The following JAKMIP2 variants were observed in gnomAD, a reference collection of about 807,000 sequenced individuals.
The protein encoded by JAKMIP2 is janus kinase and microtubule-interacting protein 2.
A neutral mutation model predicts 115.0 loss-of-function variants in JAKMIP2; 25 were observed. That is an observed-to-expected ratio of 0.22 (90% CI 0.16 to 0.30). The LOEUF is 0.30. Ranked by LOEUF, JAKMIP2 falls within the 10% of genes least tolerant of loss-of-function variation. The pLI is 1.00. For synonymous variants in JAKMIP2, 334 were observed against 343.6 expected, an observed-to-expected ratio of 0.97 and a Z score of 0.31; for missense variants, 642 against 957.6, an observed-to-expected ratio of 0.67 and a Z score of 4.35.
chr5:147,672,475 C>T (rs1249407594), intron 1 of JAKMIP2, among the ~76,000 whole-genome samples: 1 of 152,116 alleles, frequency 6.6e-6, no homozygotes, highest in Non-Finnish European at 1.5e-5. Context: ...TTCAATCAGT[C>T]AATATTGTTA....
At chr5:147,707,013 C>CT (rs916801378) in intron 1 of JAKMIP2, among the ~76,000 whole-genome samples, 1 of 151,954 alleles carries the variant, frequency 6.6e-6, no homozygotes, top group Admixed American at 6.6e-5. Flanking sequence ...CTTTCTAGGC[C>CT]TTTTTTTGAG....
At chr5:147,754,252 G>T (rs969925606) in intron 1 of JAKMIP2, among the ~76,000 whole-genome samples, 22 of 152,274 alleles carry the variant, frequency 1.4e-4, no homozygotes, top group African/African-American at 5.3e-4. Context: ...GCAAGAGGAT[G>T]TTTGAAGTGT....
chr5:147,764,659 G>A (rs1231677270), intron 1 of JAKMIP2, among the ~76,000 whole-genome samples: 4 of 151,656 alleles, frequency 2.6e-5, no homozygotes, highest in South Asian at 2.1e-4. Flanking sequence ...AGGCCAAGGC[G>A]AGAGGATCAC....
chr5:147,747,185 C>A (rs1218601897), intron 1 of JAKMIP2, among the ~76,000 whole-genome samples: 1 of 152,010 alleles, frequency 6.6e-6, no homozygotes, highest in Non-Finnish European at 1.5e-5. Flanking sequence ...ACGGTGCAAC[C>A]AGAGAAGGCT....
chr5:147,750,262 A>G (rs909390282), intron 1 of JAKMIP2, among the ~76,000 whole-genome samples: 4 of 152,150 alleles, frequency 2.6e-5, no homozygotes, highest in African/African-American at 9.7e-5. Flanking sequence ...GCATGTGAGA[A>G]ATGGCAGGAA....
At chr5:147,637,739 T>C (rs1757692876) in intron 10 of JAKMIP2, among the ~76,000 whole-genome samples, 1 of 152,110 alleles carries the variant, frequency 6.6e-6, no homozygotes, top group African/African-American at 2.4e-5. Flanking sequence ...GAGCAAACTT[T>C]GTGCCTAAAT....
At chr5:147,679,047 C>A (rs1304957681) in intron 1 of JAKMIP2, among the ~76,000 whole-genome samples, 1 of 152,020 alleles carries the variant, frequency 6.6e-6, no homozygotes, top group Non-Finnish European at 1.5e-5. Context: ...GTGGCACAAT[C>A]TTGGATCACT....
chr5:147,652,168 G>A (rs769360310), intron 3 of JAKMIP2, among the ~76,000 whole-genome samples: 37 of 151,950 alleles, frequency 2.4e-4, no homozygotes, highest in Non-Finnish European at 3.7e-4. Flanking sequence ...AGGTTCAGTC[G>A]TCATCATTTT....
intron 19 of JAKMIP2, among the ~76,000 whole-genome samples, chr5:147,617,471 C>T (rs1360387637): frequency 6.6e-6 from 1 of 152,100 alleles, no homozygotes; most frequent in Non-Finnish European, 1.5e-5. Context: ...AGCTGCCAGG[C>T]TTTGTTGGTG....
intron 20 of JAKMIP2, among the ~76,000 whole-genome samples, chr5:147,602,609 T>C (rs1755765336): frequency 6.6e-6 from 1 of 152,194 alleles, no homozygotes; most frequent in Admixed American, 6.5e-5. Flanking sequence ...AAACAGATAA[T>C]TGGATGGACA....
chr5:147,634,118 C>T (rs1203032769), intron 12 of JAKMIP2, among the ~76,000 whole-genome samples: 1 of 152,136 alleles, frequency 6.6e-6, no homozygotes, highest in Non-Finnish European at 1.5e-5. Flanking sequence ...TTTAGAAATA[C>T]AAACCAGGGC....
intron 3 of JAKMIP2, among the ~76,000 whole-genome samples, chr5:147,653,363 C>A (rs1450859270): frequency 1.3e-5 from 2 of 152,190 alleles, no homozygotes; most frequent in East Asian, 3.9e-4. Context: ...CACAGACTCA[C>A]CAGCACCTAC....
At chr5:147,642,056 T>C (rs1712026049) in intron 7 of JAKMIP2, among the ~76,000 whole-genome samples, 1 of 152,180 alleles carries the variant, frequency 6.6e-6, no homozygotes, top group South Asian at 2.1e-4. Context: ...GCTATGAAAA[T>C]AGTTACTTAT....
In JAKMIP2 at chr5:147,625,425, C is replaced by T. The variant is rs183896677; in HGVS notation, c.1996-1736G>A. 5.1e-3 allele frequency among the ~76,000 whole-genome samples: 775 copies of T among 152,146 alleles called. 9 individuals carry two copies. Among genetic ancestry groups the T allele is most frequent in the Non-Finnish European group, 7.4e-3 (505 of 67,994 alleles). ...ACATGGTGAAAGAAAAGAGGCATGC[C>T]GAGACTGGAGAGGTGCTAAGTTCTT... On this transcript the variant is annotated intron_variant, in intron 16 of 21. Transcript: ENST00000616793.
chr5:147,597,661 C>T (rs1370896650), intron 21 of JAKMIP2, among the ~76,000 whole-genome samples: 1 of 152,206 alleles, frequency 6.6e-6, no homozygotes, highest in Non-Finnish European at 1.5e-5. Flanking sequence ...GGTATAGCAG[C>T]TAATCTGGTG....
intron 1 of JAKMIP2, among the ~76,000 whole-genome samples, chr5:147,707,391 C>T (rs1431247636): frequency 1.3e-5 from 2 of 152,044 alleles, no homozygotes; most frequent in East Asian, 1.9e-4. Context: ...TTAAAAGTTG[C>T]GGTATGTCAG....
intron 20 of JAKMIP2, among the ~76,000 whole-genome samples, chr5:147,607,541 A>G (rs1756089986): frequency 6.6e-6 from 1 of 152,152 alleles, no homozygotes; most frequent in Non-Finnish European, 1.5e-5. Flanking sequence ...ATCGTGGTGG[A>G]TAAGGTTTTT....
At chr5:147,775,125 G>A (rs1755508287) in intron 1 of JAKMIP2, among the ~76,000 whole-genome samples, 1 of 152,168 alleles carries the variant, frequency 6.6e-6, no homozygotes, top group Non-Finnish European at 1.5e-5. Flanking sequence ...CGTATCAGCA[G>A]GTTAGACACC....
chr5:147,593,094 C>T (rs1755179137), intron 21 of JAKMIP2, among the ~76,000 whole-genome samples: 1 of 152,186 alleles, frequency 6.6e-6, no homozygotes, highest in South Asian at 2.1e-4. Flanking sequence ...TTCTCATCTT[C>T]CCTTGCTTAT....
Sources: allele counts gnomAD v4.1 joint callset (sites outside exome capture counted in the v4.1 genomes callset), GRCh38; gene constraint gnomAD v4.1.1; transcripts MANE v1.5; gene names NCBI Gene and HGNC (gene_info 2026-07-23, HGNC 2026-07-21).